The following ZNF354B variants were observed in gnomAD, a reference collection of about 807,000 sequenced individuals.
The protein encoded by ZNF354B is zinc finger protein 354B.
In ZNF354B, 10 loss-of-function variants were observed where a neutral mutation model predicts 12.9. The ratio of observed to expected loss-of-function variants is 0.77; its 90% CI spans 0.48 to 1.31. ZNF354B has a LOEUF of 1.31. Ranked by LOEUF, ZNF354B falls within the 40% of genes most tolerant of loss-of-function variation. The pLI is 0.00. For synonymous variants in ZNF354B, 260 were observed against 243.7 expected, an observed-to-expected ratio of 1.07 and a Z score of -0.62; for missense variants, 614 against 711.7, an observed-to-expected ratio of 0.86 and a Z score of 1.56.
At chr5:178,873,040 G>A (rs887923045) in intron 4 of ZNF354B, among the ~76,000 whole-genome samples, 6 of 152,106 alleles carry the variant, frequency 3.9e-5, no homozygotes, top group African/African-American at 4.8e-5. Context: ...CGCCTACCTC[G>A]GCCTCCCAGA....
Position 178,882,925 on chromosome 5 carries a change from A to G in ZNF354B, c.473A>G (p.His158Arg), listed in dbSNP as rs781414821. ...HTKILTVDRS[H>R]KNVEFGQNFY... ...AAAATCCTTACTGTAGATAGAAGCC[A>G]TAAAAATGTTGAATTTGGCCAAAAC... Residue 158 changes from histidine (H) to arginine (R), a missense_variant, in exon 5 of 5, where the codon CAT (histidine) becomes CGT (arginine). His to Arg is a conservative substitution (Grantham distance 29). Transcript: ENST00000322434. 1 of 1,600,422 alleles carries G rather than the reference A, an allele frequency of 6.2e-7. No individual in the cohort carries two copies. Among genetic ancestry groups the G allele is most frequent in the East Asian group, 2.2e-5 (1 of 44,780 alleles).
intron 4 of ZNF354B, among the ~76,000 whole-genome samples, chr5:178,868,840 C>T (rs1316748055): frequency 1.3e-5 from 2 of 151,972 alleles, no homozygotes; most frequent in Admixed American, 6.6e-5. Context: ...GGCATGGTGG[C>T]GGGCGCCTGT....
chr5:178,864,869 C>T (rs940860273), intron 2 of ZNF354B, among the ~76,000 whole-genome samples: 20 of 152,064 alleles, frequency 1.3e-4, no homozygotes, highest in African/African-American at 2.4e-4. Flanking sequence ...GCAGTCCACC[C>T]GCCTCGGCCT....
chr5:178,867,328 A>G (rs1757478534), intron 4 of ZNF354B, among the ~76,000 whole-genome samples: 1 of 152,190 alleles, frequency 6.6e-6, no homozygotes, highest in African/African-American at 2.4e-5. Flanking sequence ...TTCAGCAAAC[A>G]TAGTATATTT....
At chr5:178,869,154 G>T (rs1322032671) in intron 4 of ZNF354B, among the ~76,000 whole-genome samples, 1 of 152,152 alleles carries the variant, frequency 6.6e-6, no homozygotes, top group Non-Finnish European at 1.5e-5. Flanking sequence ...GCTGCATTCT[G>T]CAGCTGCCAG....
chr5:178,860,181 A>G (rs1447987402), intron 1 of ZNF354B, 54 bp downstream of exon 1: 2 of 145,628 alleles, frequency 1.4e-5, no homozygotes, highest in Non-Finnish European at 3.1e-5. Flanking sequence ...CGCCAGGGCG[A>G]CCTGAGGCCG....
intron 2 of ZNF354B, among the ~76,000 whole-genome samples, chr5:178,861,348 T>C (rs1196828191): frequency 2.0e-5 from 3 of 151,474 alleles, no homozygotes; most frequent in Non-Finnish European, 2.9e-5. Flanking sequence ...TGTCTGTCAC[T>C]AAGAGCAAAC....
In ZNF354B at chr5:178,883,090, G is replaced by A. The variant is rs528171896; in HGVS notation, c.638G>A (p.Arg213His). The A allele has an allele frequency of 2.8e-5, 45 of 1,607,562 alleles. No homozygotes were observed. The highest frequency in any genetic ancestry group is 3.6e-5 in the Non-Finnish European group (42 of 1,178,366). Residue 213 changes from arginine to histidine, a missense_variant, in exon 5 of 5, where the codon CGC (arginine) becomes CAC (histidine). Arg to His is a conservative substitution (Grantham distance 29, BLOSUM62 0). Coordinates refer to ENST00000322434, the MANE Select transcript of ZNF354B (RefSeq NM_058230.3). The stretch of plus-strand genomic sequence containing the variant: ...TCAAAAATCAAAACAGCAGAGAAAC[G>A]CTATAAATGCAGTACATGTGAAAAA... ...NQSKIKTAEK[R>H]YKCSTCEKAF... is the part of the protein sequence containing the mutation.
At chr5:178,871,356 A>G (rs113073212) in intron 4 of ZNF354B, among the ~76,000 whole-genome samples, 22,546 of 152,132 alleles carry the variant, frequency 0.15, 2,038 homozygotes, top group African/African-American at 0.25. Flanking sequence ...TCTTCGTGGC[A>G]GTCATGCGTC....
chr5:178,874,008 G>A (rs187316389), intron 4 of ZNF354B, among the ~76,000 whole-genome samples: 42 of 149,798 alleles, frequency 2.8e-4, no homozygotes, highest in African/African-American at 1.0e-3. Context: ...GCAGGCTGGA[G>A]TGCAGTGGTG....
In ZNF354B at chr5:178,882,756, T is replaced by A; in HGVS notation, c.304T>A (p.Ser102Thr). The change falls in exon 5 of 5, where the codon TCA becomes ACA. Residue 102 changes from serine (S) to threonine (T), a missense_variant. Ser to Thr is a moderately conservative substitution (Grantham distance 58). Transcript: ENST00000322434. ...GACAAAGTCAACTCAAACTCAGGAT[T>A]CATTTCAGGAGCAGATAAGGAAAAG... ...KMTKSTQTQDSFQEQIRKRLK... is the reference protein window; with the variant it reads ...KMTKSTQTQDTFQEQIRKRLK... The A allele has an allele frequency of 6.3e-7, 1 of 1,577,324 alleles. No homozygotes were observed. Among genetic ancestry groups the A allele is most frequent in the Non-Finnish European group, 8.5e-7 (1 of 1,170,770 alleles).
intron 4 of ZNF354B, among the ~76,000 whole-genome samples, chr5:178,878,467 A>G (rs778304328): frequency 4.0e-4 from 61 of 152,062 alleles, no homozygotes; most frequent in Non-Finnish European, 7.6e-4. Context: ...TCACACATCC[A>G]TCATTATCTT....
intron 2 of ZNF354B, among the ~76,000 whole-genome samples, chr5:178,861,301 T>C (rs1757344469): frequency 7.0e-6 from 1 of 143,046 alleles, no homozygotes; most frequent in South Asian, 2.5e-4. Flanking sequence ...TCTTCATCCA[T>C]TGTGTGACTA....
chr5:178,875,744 C>T (rs1757626294), intron 4 of ZNF354B, among the ~76,000 whole-genome samples: 1 of 152,126 alleles, frequency 6.6e-6, no homozygotes, highest in Non-Finnish European at 1.5e-5. Context: ...AGAGACTGGG[C>T]TCCTGTCCAT....
Position 178,882,985 on chromosome 5 carries a change from G to A in ZNF354B, c.533G>A (p.Arg178Lys). Reference sequence around the variant, plus strand: ...AAATCAGTCTTCATTAAGCAACAGAGATTTGCTAAAGAAAAAACTCCATCA... The same window carrying A: ...AAATCAGTCTTCATTAAGCAACAGAAATTTGCTAAAGAAAAAACTCCATCA... ...YLKSVFIKQQRFAKEKTPSKC... is the reference protein window; with the variant it reads ...YLKSVFIKQQKFAKEKTPSKC... The change falls in exon 5 of 5, where the codon AGA becomes AAA. Residue 178 changes from arginine (R) to lysine (K), a missense_variant. Coordinates refer to ENST00000322434, the MANE Select transcript of ZNF354B (RefSeq NM_058230.3). 6.2e-7 allele frequency: 1 copy of A among 1,607,904 alleles called. No individual in the cohort carries two copies. Among genetic ancestry groups the A allele is most frequent in the Non-Finnish European group, 8.5e-7 (1 of 1,178,648 alleles).
intron 3 of ZNF354B, among the ~76,000 whole-genome samples, 173 bp from the exon 4 acceptor site, chr5:178,866,799 TTTTA>T (rs1757465238): frequency 6.6e-6 from 1 of 152,210 alleles, no homozygotes. Flanking sequence ...TGTTTTCTCA[TTTTA>T]AAAAAAGTTA....
At position 178,879,304 on chromosome 5, in the gene ZNF354B, C is replaced by T. The variant is rs377432703; in HGVS notation, c.257-3405C>T. Among the ~76,000 whole-genome samples the T allele has an allele frequency of 6.6e-5, 10 of 152,238 alleles. 1 individual carries two copies. The South Asian group carries it at 1.2e-3, about 19-fold the overall frequency. On this transcript the variant is annotated intron_variant, in intron 4 of 4. Coordinates refer to ENST00000322434, the MANE Select transcript of ZNF354B (RefSeq NM_058230.3). Reference sequence around the variant, plus strand: ...TTAAGAGATCTCCCTGCCTCGGCCTCCCAAAGTGCTAGGATTACAGACGGG... The same window carrying T: ...TTAAGAGATCTCCCTGCCTCGGCCTTCCAAAGTGCTAGGATTACAGACGGG...
rs78706163 is a variant in ZNF354B at position 178,874,990 on chromosome 5, A to G, written c.257-7719A>G. Among the ~76,000 whole-genome samples the G allele has an allele frequency of 8.0e-3, 1,222 of 152,290 alleles. 62 individuals are homozygous for G. In the East Asian group the frequency reaches 0.13, roughly 16 times the overall value. On this transcript the variant is annotated intron_variant, in intron 4 of 4. Coordinates refer to ENST00000322434, the MANE Select transcript of ZNF354B (RefSeq NM_058230.3). ...TTGTCCTAGTTTCACAGAGGGGTATATTAGCAAAGTAATTTTGGTGTTAAA... is the reference window on the plus strand; with the variant it reads ...TTGTCCTAGTTTCACAGAGGGGTATGTTAGCAAAGTAATTTTGGTGTTAAA...
chr5:178,873,423 C>T (rs1757590999), intron 4 of ZNF354B, among the ~76,000 whole-genome samples: 1 of 152,180 alleles, frequency 6.6e-6, no homozygotes, highest in South Asian at 2.1e-4. Context: ...TGTAGTTTTA[C>T]ATTTTACATT....
Sources: allele counts gnomAD v4.1 joint callset (sites outside exome capture counted in the v4.1 genomes callset), GRCh38; gene constraint gnomAD v4.1.1; transcripts MANE v1.5; gene names NCBI Gene and HGNC (gene_info 2026-07-23, HGNC 2026-07-21).